The following WDR35 variants were observed in gnomAD, a reference collection of about 807,000 sequenced individuals.
WDR35 encodes the protein WD repeat domain 35.
In WDR35, 118 loss-of-function variants were observed where a neutral mutation model predicts 158.3. That is an observed-to-expected ratio of 0.75 (90% CI 0.64 to 0.87). The LOEUF (loss-of-function observed/expected upper bound fraction) is 0.87, where lower values mean the gene tolerates loss of function less well. Among genes scored for constraint, WDR35 ranks in the 40% least tolerant of loss-of-function variants. The pLI, the probability that WDR35 is intolerant of heterozygous loss-of-function variation, is 0.00. For missense variants in WDR35, 1,263 were observed against 1,405.8 expected, an observed-to-expected ratio of 0.90 and a Z score of 1.62; for synonymous variants, 448 against 476.1, an observed-to-expected ratio of 0.94 and a Z score of 0.77.
chr2:19,974,485 C>G lies in WDR35; in HGVS notation c.719G>C (p.Arg240Thr). Residue 240 changes from arginine to threonine, a missense_variant, in exon 7 of 27, where the codon AGA (arginine) becomes ACA (threonine). Transcript: ENST00000281405. ...CFDNGRCQIM[R>T]HENDQNPVLI... ...TTCCTTACTTTGGTCATTCTCATGTCTCATTATTTGGCATCTTCCATTATC... is the reference window on the plus strand; with the variant it reads ...TTCCTTACTTTGGTCATTCTCATGTGTCATTATTTGGCATCTTCCATTATC... The G allele has an allele frequency of 6.2e-7, 1 of 1,609,444 alleles. No individual in the cohort carries two copies. The highest frequency in any genetic ancestry group is 1.1e-5 in the South Asian group (1 of 89,724).
At chr2:19,954,643 T>G (rs1671364722) in intron 11 of WDR35, among the ~76,000 whole-genome samples, 1 of 152,102 alleles carries the variant, frequency 6.6e-6, no homozygotes, top group African/African-American at 2.4e-5. Context: ...CCCACTAGGA[T>G]GGCTAGAATC....
intron 10 of WDR35, 142 bp from the exon 11 acceptor site, chr2:19,960,756 A>G (rs1465670411): frequency 6.1e-6 from 4 of 654,354 alleles, no homozygotes; most frequent in Non-Finnish European, 1.1e-5. Flanking sequence ...TGCAAAAAAT[A>G]GCAGACAAAA....
chr2:19,939,702 T>G (rs560835430), intron 17 of WDR35, among the ~76,000 whole-genome samples: 4 of 151,412 alleles, frequency 2.6e-5, no homozygotes, highest in East Asian at 1.9e-4. Flanking sequence ...GGATTTAGGG[T>G]TTTTTTTTAA....
chr2:19,925,568 T>C (rs1670332146), intron 25 of WDR35, among the ~76,000 whole-genome samples: 1 of 152,200 alleles, frequency 6.6e-6, no homozygotes, highest in African/African-American at 2.4e-5. Context: ...TTCAACCCAC[T>C]CAACTTAACA....
intron 21 of WDR35, 52 bp from the exon 22 acceptor site, chr2:19,933,563 A>G: frequency 6.7e-7 from 1 of 1,503,592 alleles, no homozygotes; most frequent in South Asian, 1.1e-5. Flanking sequence ...GAAATTACTT[A>G]TATTTTAATT....
Position 19,932,269 on chromosome 2 carries a change from G to C in WDR35, c.2823+14C>G. ...CTGGAACAAATCAACTATTCACCAA[G>C]ATTTTTACATTACCTTAAACATCAG... On this transcript the variant is annotated intron_variant, in intron 23 of 26. Transcript: ENST00000281405. 1 of 1,612,856 alleles carries C rather than the reference G, an allele frequency of 6.2e-7. No homozygotes were observed. The highest frequency in any genetic ancestry group is 8.5e-7 in the Non-Finnish European group (1 of 1,179,292).
rs1670593958 is a variant in WDR35, at chr2:19,933,530, A to G, written c.2548-19T>C. ...CTATTTCCTGTACAAACAAAACAAT[A>G]CTATCAGATTTCACAGACCAAGGAA... On this transcript the variant is annotated intron_variant, in intron 21 of 26. Transcript: ENST00000281405. The G allele has an allele frequency of 6.3e-7, 1 of 1,593,104 alleles. No homozygotes were observed. The highest frequency in any genetic ancestry group is 8.6e-7 in the Non-Finnish European group (1 of 1,161,726).
chr2:19,940,274 G>A (rs1028280675), intron 17 of WDR35, among the ~76,000 whole-genome samples: 7 of 152,038 alleles, frequency 4.6e-5, no homozygotes, highest in Middle Eastern at 3.4e-3. Flanking sequence ...GGCTGAGATG[G>A]GAGGATCACT....
rs1372401998 is a variant in WDR35, at chr2:19,934,499, T to C, written c.2547+972A>G. On this transcript the variant is annotated intron_variant, in intron 21 of 26. Coordinates refer to ENST00000281405, the MANE Select transcript of WDR35 (RefSeq NM_020779.4). This position sits in a 1 kb window ranked among gnomAD's most constrained non-coding sequence, Gnocchi z 4.6. ...ATTATTAAAAATTCTTCTATAACTC[T>C]ATTTAAAATTTATAATACTAAAATT... Among the ~76,000 whole-genome samples, 2 of 152,032 alleles carry C rather than the reference T, an allele frequency of 1.3e-5. No individual in the cohort carries two copies. The highest frequency in any genetic ancestry group is 4.8e-5 in the African/African-American group (2 of 41,452).
At chr2:19,981,030 G>C (rs1449359409) in intron 3 of WDR35, among the ~76,000 whole-genome samples, 1 of 152,122 alleles carries the variant, frequency 6.6e-6, no homozygotes, top group Non-Finnish European at 1.5e-5. Flanking sequence ...ATCATGGCTA[G>C]CTACCAGAAC....
intron 18 of WDR35, 101 bp from the exon 19 acceptor site, chr2:19,938,047 G>A: frequency 6.1e-6 from 9 of 1,468,088 alleles, no homozygotes; most frequent in Non-Finnish European, 8.4e-6. Flanking sequence ...ATTATTTCTA[G>A]AGAAACATGG....
chr2:19,961,747 G>A (rs1572350534), intron 10 of WDR35, among the ~76,000 whole-genome samples: 1 of 152,244 alleles, frequency 6.6e-6, no homozygotes, highest in East Asian at 1.9e-4. Flanking sequence ...AGGGCCAAAG[G>A]ACAATAATGT....
rs756004566 is a variant in WDR35 at position 19,974,618 on chromosome 2, TCA to T, written c.584_585del (p.Leu195GlnfsTer28). On this transcript the variant is annotated frameshift_variant, in exon 7 of 27. Coordinates refer to ENST00000281405, the MANE Select transcript of WDR35 (RefSeq NM_020779.4). LOFTEE classifies it high-confidence loss of function. ...NQGNFMIKMK[L>X]SCLVNVTGAI... ...GCTCCAGTGACATTCACCAAACAAC[TCA>T]GTTTCATTTTTATCTAAATAAAATT... 1.9e-6 allele frequency: 3 copies of T among 1,613,476 alleles called. No homozygotes were observed. In the Admixed American group the frequency reaches 5.0e-5, roughly 27 times the overall value.
intron 25 of WDR35, among the ~76,000 whole-genome samples, chr2:19,927,279 C>T (rs1472643344): frequency 1.3e-5 from 2 of 152,030 alleles, no homozygotes; most frequent in Non-Finnish European, 2.9e-5. Context: ...TTGAGGCATA[C>T]CGCCCTCAAA....
At position 19,975,677 on chromosome 2, in the gene WDR35, T is replaced by C; in HGVS notation, c.437-14A>G. The C allele has an allele frequency of 6.2e-7, 1 of 1,613,878 alleles. No homozygotes were observed. The highest frequency in any genetic ancestry group is 8.5e-7 in the Non-Finnish European group (1 of 1,179,884). On this transcript the variant is annotated splice_polypyrimidine_tract_variant and intron_variant, in intron 5 of 26. Transcript: ENST00000281405. ...AAATACGATTGCCTAAAACAAAACA[T>C]TATTAAAAGTTGTTCAAGGTCATGA...
At chr2:19,913,789 C>G (rs1270360124) in intron 26 of WDR35, 81 bp from the exon 27 acceptor site, 1 of 1,573,492 alleles carries the variant, frequency 6.4e-7, no homozygotes, top group African/African-American at 1.4e-5. Context: ...TAAAAAAAAC[C>G]TAAAGAATAA....
chr2:19,973,435 C>A, intron 8 of WDR35, 128 bp downstream of exon 8: 1 of 1,017,020 alleles, frequency 9.8e-7, no homozygotes, highest in South Asian at 1.7e-5. Flanking sequence ...AAGATTTATA[C>A]TATGAAGATG....
At chr2:19,915,908 G>A (rs951823202) in intron 25 of WDR35, among the ~76,000 whole-genome samples, 8 of 139,756 alleles carry the variant, frequency 5.7e-5, no homozygotes, top group East Asian at 2.0e-4. Flanking sequence ...GCAACAGAGC[G>A]AGACTCCATC....
At chr2:19,965,464 G>C (rs1174504543) in intron 10 of WDR35, among the ~76,000 whole-genome samples, 2 of 152,190 alleles carry the variant, frequency 1.3e-5, no homozygotes, top group Non-Finnish European at 2.9e-5. Context: ...CTCAATCTCA[G>C]TATCTTTAGA....
Sources: allele counts gnomAD v4.1 joint callset (sites outside exome capture counted in the v4.1 genomes callset), GRCh38; gene constraint gnomAD v4.1.1; non-coding constraint Gnocchi (gnomAD v3.1); transcripts MANE v1.5; gene names NCBI Gene and HGNC (gene_info 2026-07-23, HGNC 2026-07-21).